NIPBL: variants seen among roughly 807,000 people sequenced by gnomAD.
The protein encoded by NIPBL is NIPBL cohesin loading factor.
A neutral mutation model predicts 321.8 loss-of-function variants in NIPBL; 19 were observed. The ratio of observed to expected loss-of-function variants is 0.06; its 90% CI spans 0.04 to 0.09. The LOEUF is 0.09. Ranked by LOEUF, NIPBL falls within the 10% of genes least tolerant of loss-of-function variation. The pLI, the probability that NIPBL is intolerant of heterozygous loss-of-function variation, is 1.00. For missense variants in NIPBL, 2,210 were observed against 3,327.0 expected (o/e 0.66, Z 8.26); for synonymous variants, 1,106 against 1,114.1 (o/e 0.99, Z 0.14).
chr5:36,887,814 A>G (rs528252168), intron 1 of NIPBL, among the ~76,000 whole-genome samples: 206 of 152,306 alleles, frequency 1.4e-3, no homozygotes, highest in Non-Finnish European at 2.3e-3. Flanking sequence ...CTGATGTCCC[A>G]TGAATAACAG....
intron 1 of NIPBL, among the ~76,000 whole-genome samples, chr5:36,942,119 C>G (rs1174112469): frequency 6.6e-6 from 1 of 151,784 alleles, no homozygotes; most frequent in Admixed American, 6.6e-5. Context: ...TTTTATTGGT[C>G]TAAGTTGACT....
At chr5:37,045,231 G>A (rs1231645202) in intron 36 of NIPBL, among the ~76,000 whole-genome samples, 3 of 151,422 alleles carry the variant, frequency 2.0e-5, no homozygotes. Context: ...GCACACGACT[G>A]TAATCCCAGC....
At chr5:37,054,281 A>C (rs923110705) in intron 42 of NIPBL, among the ~76,000 whole-genome samples, 7 of 152,204 alleles carry the variant, frequency 4.6e-5, no homozygotes, top group Non-Finnish European at 1.5e-5. Context: ...GCAAAATTAT[A>C]ATTACCATAG....
chr5:36,887,982 A>C (rs572134521), intron 1 of NIPBL, among the ~76,000 whole-genome samples: 4 of 152,270 alleles, frequency 2.6e-5, no homozygotes, highest in African/African-American at 9.6e-5. Context: ...AATCCTTGAC[A>C]CTTCTTTACC....
chr5:36,890,920 G>A (rs539644471), intron 1 of NIPBL, among the ~76,000 whole-genome samples: 3 of 152,188 alleles, frequency 2.0e-5, no homozygotes, highest in Non-Finnish European at 4.4e-5. Context: ...CAAACACTGA[G>A]TGATTCCTAT....
intron 1 of NIPBL, among the ~76,000 whole-genome samples, chr5:36,916,757 T>G (rs1028283708): frequency 4.6e-5 from 7 of 152,126 alleles, no homozygotes; most frequent in African/African-American, 1.2e-4. Context: ...AGTGTTTGGT[T>G]TTTTGTCGTT....
rs886060562 is a variant in NIPBL at position 37,065,034 on chromosome 5, G to A, written c.*142G>A. The A allele has an allele frequency of 2.0e-6, 2 of 1,004,614 alleles. No individual in the cohort carries two copies. Among genetic ancestry groups the A allele is most frequent in the Non-Finnish European group, 3.0e-6 (2 of 675,656 alleles). 62.2% of individuals were successfully genotyped at this position (1,004,614 alleles called of 1,614,324 possible). ...TGCAGGAACAAAAGAAGGAAATGTTGGGCAAACATTTTTGTGGGAGCTCCC... is the reference window on the plus strand; with the variant it reads ...TGCAGGAACAAAAGAAGGAAATGTTAGGCAAACATTTTTGTGGGAGCTCCC... On this transcript the variant is annotated 3_prime_UTR_variant, in exon 47 of 47. Coordinates refer to ENST00000282516, the MANE Select transcript of NIPBL (RefSeq NM_133433.4).
intron 14 of NIPBL, among the ~76,000 whole-genome samples, chr5:37,001,441 T>C (rs1746791183): frequency 6.6e-6 from 1 of 152,274 alleles, no homozygotes; most frequent in East Asian, 1.9e-4. Flanking sequence ...TAATCAAGTC[T>C]GGATAGTATC....
intron 1 of NIPBL, among the ~76,000 whole-genome samples, chr5:36,880,522 G>A (rs1028334104): frequency 1.3e-4 from 20 of 151,998 alleles, no homozygotes; most frequent in African/African-American, 3.1e-4. Context: ...TTAGAGAAAT[G>A]TAACTTTAAT....
At chr5:36,918,661 T>C (rs2149554874) in intron 1 of NIPBL, among the ~76,000 whole-genome samples, 1 of 152,284 alleles carries the variant, frequency 6.6e-6, no homozygotes, top group East Asian at 1.9e-4. Flanking sequence ...GGCTGTGGGT[T>C]TGTCATAGAT....
chr5:37,032,718 T>A (rs1202652481), intron 32 of NIPBL, among the ~76,000 whole-genome samples: 1 of 152,100 alleles, frequency 6.6e-6, no homozygotes, highest in African/African-American at 2.4e-5. Context: ...TAGGCTGCAG[T>A]GAACTATGAT....
intron 29 of NIPBL, among the ~76,000 whole-genome samples, chr5:37,022,650 G>A (rs1456148331): frequency 1.3e-5 from 2 of 152,090 alleles, no homozygotes; most frequent in Non-Finnish European, 2.9e-5. Flanking sequence ...TTTACAATGA[G>A]TAGATGATAG....
At chr5:36,981,314 A>G (rs1744109453) in intron 9 of NIPBL, among the ~76,000 whole-genome samples, 1 of 151,712 alleles carries the variant, frequency 6.6e-6, no homozygotes, top group Non-Finnish European at 1.5e-5. Context: ...CAAATGTAGA[A>G]TATTTGTGGA....
chr5:36,983,798 G>A (rs1026631689), intron 9 of NIPBL, among the ~76,000 whole-genome samples: 2 of 151,924 alleles, frequency 1.3e-5, no homozygotes. Context: ...TTGTAATGGT[G>A]AATTTGTGTT....
chr5:36,920,361 T>C (rs1017421585), intron 1 of NIPBL, among the ~76,000 whole-genome samples: 2 of 152,192 alleles, frequency 1.3e-5, no homozygotes, highest in African/African-American at 4.8e-5. Flanking sequence ...TATTCAGATA[T>C]GGTGAAATCA....
In NIPBL at chr5:36,959,228, T is replaced by C. The variant is rs573229470; in HGVS notation, c.358+997T>C. Among the ~76,000 whole-genome samples the C allele has an allele frequency of 2.0e-5, 3 of 152,238 alleles. No individual in the cohort carries two copies. The South Asian group carries it at 6.2e-4, about 32-fold the overall frequency. ...TCTCCAAACAAAAAGAAAAAATAAA[T>C]AAAATAATTTTGCCAAATTCATTTT... On this transcript the variant is annotated intron_variant, in intron 4 of 46. Transcript: ENST00000282516.
rs150711582 is a variant in NIPBL at position 36,893,614 on chromosome 5, A to G, written c.-80+16436A>G. 4.0e-4 allele frequency among the ~76,000 whole-genome samples: 61 copies of G among 152,234 alleles called. No homozygotes were observed. The East Asian group carries it at 8.5e-3, about 21-fold the overall frequency. On this transcript the variant is annotated intron_variant, in intron 1 of 46. Coordinates refer to ENST00000282516, the MANE Select transcript of NIPBL (RefSeq NM_133433.4). The stretch of plus-strand genomic sequence containing the variant: ...TTGAATAACTGCAGTGTGTTCAGCA[A>G]TGAATACTAGATATTTGATATGGAC...
intron 1 of NIPBL, among the ~76,000 whole-genome samples, chr5:36,897,313 T>G (rs927630562): frequency 1.3e-5 from 2 of 152,212 alleles, no homozygotes; most frequent in Non-Finnish European, 2.9e-5. Context: ...GGAATTGCTT[T>G]CTTAATTTTA....
chr5:37,052,401 G>A lies in NIPBL; in HGVS notation c.7098G>A (p.Gln2366=), dbSNP rs920581817. 3 of 1,613,954 alleles carry A rather than the reference G, an allele frequency of 1.9e-6. No homozygotes were observed. In the African/African-American group the frequency reaches 4.0e-5, roughly 22 times the overall value. Residue 2366 remains glutamine, a synonymous_variant, in exon 42 of 47, where the codon CAG becomes CAA. Coordinates refer to ENST00000282516, the MANE Select transcript of NIPBL (RefSeq NM_133433.4). ...TGGCTGGTATGAAGATGTCTTACCA[G>A]GTACAACAGGCAATCAACACATGCC... ...KAVAGMKMSY[Q]VQQAINTCLK...
Sources: allele counts gnomAD v4.1 joint callset (sites outside exome capture counted in the v4.1 genomes callset), GRCh38; gene constraint gnomAD v4.1.1; transcripts MANE v1.5; gene names NCBI Gene and HGNC (gene_info 2026-07-23, HGNC 2026-07-21).